Variants in BLTP3B observed in about 807,000 individuals in gnomAD.
The protein encoded by BLTP3B is UHRF1 (ICBP90) binding protein 1-like.
chr12:100,063,997 C>T, the BLTP3B span, among the ~76,000 whole-genome samples: 3 of 152,028 alleles, frequency 2.0e-5, no homozygotes, highest in South Asian at 4.2e-4. Context: ...ATCAGGGAGG[C>T]ACCAGAAAAA....
At chr12:100,047,433 G>C in the BLTP3B span, 1 of 856,852 alleles carries the variant, frequency 1.2e-6, no homozygotes, top group East Asian at 2.7e-5. Context: ...GGGAGGCAGA[G>C]GTTTGCAGTA....
chr12:100,060,832 G>C, the BLTP3B span, among the ~76,000 whole-genome samples: 1 of 152,128 alleles, frequency 6.6e-6, no homozygotes, highest in Non-Finnish European at 1.5e-5. Flanking sequence ...AAAAGCTAAA[G>C]TTATGCATAT....
the BLTP3B span, among the ~76,000 whole-genome samples, chr12:100,066,752 C>T: frequency 0.069 from 10,403 of 150,680 alleles, 392 homozygotes; most frequent in South Asian, 0.088. Context: ...TGCAGTGAGC[C>T]GAGATCACAC....
chr12:100,064,044 CAAG>C, the BLTP3B span, among the ~76,000 whole-genome samples: 1 of 152,026 alleles, frequency 6.6e-6, no homozygotes, highest in African/African-American at 2.4e-5. Context: ...AAAAATGATA[CAAG>C]AAGTGAAAGA....
chr12:100,041,779 T>G, the BLTP3B span, among the ~76,000 whole-genome samples: 3 of 152,066 alleles, frequency 2.0e-5, no homozygotes, highest in African/African-American at 7.2e-5. Flanking sequence ...GGTTCTAACC[T>G]GGGCAACTGG....
the BLTP3B span, among the ~76,000 whole-genome samples, chr12:100,108,107 G>A: frequency 6.8e-6 from 1 of 146,000 alleles, no homozygotes; most frequent in East Asian, 1.9e-4. Flanking sequence ...CTTTGAACAT[G>A]TACCAAATGG....
the BLTP3B span, among the ~76,000 whole-genome samples, chr12:100,084,114 G>A: frequency 9.3e-5 from 14 of 150,432 alleles, no homozygotes; most frequent in Admixed American, 2.6e-4. Flanking sequence ...GCTTGAACCC[G>A]GGAAGCAGAG....
chr12:100,142,587 C>G, the BLTP3B span: 1 of 1,608,346 alleles, frequency 6.2e-7, no homozygotes, highest in Non-Finnish European at 8.5e-7. Flanking sequence ...GAGGCGCTCA[C>G]TGACCTGGAG....
the BLTP3B span, among the ~76,000 whole-genome samples, chr12:100,061,251 G>T: frequency 4.3e-4 from 66 of 152,278 alleles, 1 homozygote; most frequent in African/African-American, 1.5e-3. Context: ...GATTGATGAT[G>T]GTAGTCACAG....
At chr12:100,142,614 G>C in the BLTP3B span, 1 of 1,608,926 alleles carries the variant, frequency 6.2e-7, no homozygotes, top group African/African-American at 1.3e-5. Context: ...TTCAAGATTT[G>C]TTTCTTGATG....
the BLTP3B span, chr12:100,037,664 T>C: frequency 1.9e-6 from 3 of 1,609,670 alleles, no homozygotes; most frequent in East Asian, 6.7e-5. Flanking sequence ...CTTTATATGA[T>C]GAAGAAGAGC....
chr12:100,130,941 C>CATACATACATACATACATATATAT, the BLTP3B span, among the ~76,000 whole-genome samples: 1 of 127,706 alleles, frequency 7.8e-6, no homozygotes, highest in African/African-American at 3.6e-5. Flanking sequence ...TACATACATA[C>CATACATACATACATACATATATAT]ATACATACAT....
the BLTP3B span, chr12:100,095,808 C>T: frequency 1.2e-6 from 2 of 1,610,378 alleles, no homozygotes; most frequent in Non-Finnish European, 1.7e-6. Flanking sequence ...TTAGAACTAA[C>T]TTTGTTGCTA....
At chr12:100,060,085 G>T in the BLTP3B span, 3 of 1,430,152 alleles carry the variant, frequency 2.1e-6, no homozygotes, top group South Asian at 3.0e-5. Context: ...TAATTGGATG[G>T]TTCTAAATCT....
the BLTP3B span, among the ~76,000 whole-genome samples, chr12:100,088,339 A>G: frequency 3.3e-5 from 5 of 152,202 alleles, no homozygotes; most frequent in African/African-American, 9.6e-5. Flanking sequence ...CCCAGCGCCT[A>G]GATTACAGAA....
chr12:100,100,404 C>G, the BLTP3B span, among the ~76,000 whole-genome samples: 1 of 152,080 alleles, frequency 6.6e-6, no homozygotes, highest in Non-Finnish European at 1.5e-5. Context: ...TTTTAATACT[C>G]TTCTTAAAAT....
chr12:100,094,490 C>T, the BLTP3B span, among the ~76,000 whole-genome samples: 11 of 152,174 alleles, frequency 7.2e-5, no homozygotes, highest in Non-Finnish European at 1.6e-4. Flanking sequence ...TTCATTTTTA[C>T]ATCAGTGTTT....
chr12:100,096,331 G>A, the BLTP3B span, among the ~76,000 whole-genome samples: 1 of 151,932 alleles, frequency 6.6e-6, no homozygotes, highest in Non-Finnish European at 1.5e-5. Flanking sequence ...AGATGCAGTG[G>A]TAACAAAAGA....
the BLTP3B span, among the ~76,000 whole-genome samples, chr12:100,133,840 TCA>T: frequency 6.6e-6 from 1 of 152,226 alleles, no homozygotes; most frequent in Non-Finnish European, 1.5e-5. Context: ...TTCCACGGTC[TCA>T]GTTACCTGTG....
Sources: allele counts gnomAD v4.1 joint callset (sites outside exome capture counted in the v4.1 genomes callset), GRCh38; gene constraint gnomAD v4.1.1; transcripts MANE v1.5; gene names NCBI Gene and HGNC (gene_info 2026-07-23, HGNC 2026-07-21).